The following LILRA5 variants were observed in gnomAD, a reference collection of about 807,000 sequenced individuals.
LILRA5 encodes leukocyte immunoglobulin-like receptor subfamily A member 5.
LILRA5 carries 31 observed loss-of-function variants against 36.3 expected under a neutral mutation model. The observed-to-expected ratio is 0.85, with a 90% CI of 0.64 to 1.15. The LOEUF is 1.15. Ranked by LOEUF, LILRA5 falls within the 50% of genes most tolerant of loss-of-function variation. The pLI is 0.00. For missense variants in LILRA5, 348 were observed against 377.4 expected (o/e 0.92, Z 0.64); for synonymous variants, 144 against 144.8 (o/e 0.99, Z 0.04).
At chr19:54,307,634 T>A in intron 6 of LILRA5, 64 bp downstream of exon 6, 1 of 1,612,884 alleles carries the variant, frequency 6.2e-7, no homozygotes, top group Admixed American at 1.7e-5. Context: ...AGGGCACCCA[T>A]ATCATCTTGA....
chr19:54,311,039 T>C, intron 5 of LILRA5: 1 of 310,558 alleles, frequency 3.2e-6, no homozygotes, highest in Non-Finnish European at 6.4e-6. Flanking sequence ...CACTGCAACC[T>C]CCGCCTCCCG....
rs1178522864 is a variant in LILRA5 at position 54,307,285 on chromosome 19, G to GA, written c.*127dup. The stretch of plus-strand genomic sequence containing the variant: ...AAAAAAAGAAAGAAAAGAAAAGAAA[G>GA]AAAAAAAGAAATTGCCAGCAGACAG... On this transcript the variant is annotated 3_prime_UTR_variant, in exon 7 of 7. Coordinates refer to ENST00000432233, the MANE Select transcript of LILRA5 (RefSeq NM_021250.4). 3 of 469,668 alleles carry GA rather than the reference G, an allele frequency of 6.4e-6. No homozygotes were observed. Among genetic ancestry groups the GA allele is most frequent in the African/African-American group, 2.3e-5 (1 of 44,032 alleles). The allele number at this position is 469,668 out of a possible 1,614,324, so 29.1% of individuals were successfully genotyped here.
At chr19:54,307,773 G>C (rs907970259) in intron 5 of LILRA5, 25 bp from the exon 6 acceptor site, 10 of 1,610,292 alleles carry the variant, frequency 6.2e-6, no homozygotes, top group Admixed American at 3.3e-5. Context: ...AGGGGAAGGG[G>C]AAGGAGAAGT....
At chr19:54,312,219 C>A in intron 3 of LILRA5, 71 bp from the exon 4 acceptor site, 2 of 1,610,280 alleles carry the variant, frequency 1.2e-6, no homozygotes, top group African/African-American at 1.3e-5. Context: ...GCCCCAGGAC[C>A]CTCCAGACGT....
rs2081033315 is a variant in LILRA5 at position 54,312,095 on chromosome 19, C to A, written c.178G>T (p.Gly60Trp). The A allele has an allele frequency of 6.2e-7, 1 of 1,614,018 alleles. No individual in the cohort carries two copies. Among genetic ancestry groups the A allele is most frequent in the Non-Finnish European group, 8.5e-7 (1 of 1,180,012 alleles). ...TGACACCGGATGGTCACAGAGTTCCCCCGGCTGATCACAGAGCCTGGCTCA... is the reference window on the plus strand; with the variant it reads ...TGACACCGGATGGTCACAGAGTTCCACCGGCTGATCACAGAGCCTGGCTCA... ...WAEPGSVISR[G>W]NSVTIRCQGT... Residue 60 changes from glycine to tryptophan, a missense_variant, in exon 4 of 7, where the codon GGG (glycine) becomes TGG (tryptophan). Coordinates refer to ENST00000432233, the MANE Select transcript of LILRA5 (RefSeq NM_021250.4).
chr19:54,312,837 A>T (rs1471199474), intron 1 of LILRA5, 180 bp downstream of exon 1: 2 of 836,530 alleles, frequency 2.4e-6, no homozygotes, highest in Middle Eastern at 6.8e-4. Context: ...TCCCCGGGCC[A>T]CTGTCTGCCT....
intron 5 of LILRA5, chr19:54,310,797 C>A: frequency 3.8e-6 from 1 of 264,168 alleles, no homozygotes; most frequent in South Asian, 3.8e-5. Context: ...CAGAGTGATA[C>A]TGGAGGGTCA....
At position 54,312,134 on chromosome 19, in the gene LILRA5, CT is replaced by C; in HGVS notation, c.138del (p.Ala47ProfsTer10). 1.2e-6 allele frequency: 2 copies of C among 1,613,906 alleles called. No homozygotes were observed. The highest frequency in any genetic ancestry group is 1.7e-6 in the Non-Finnish European group (2 of 1,179,910). On this transcript the variant is annotated frameshift_variant, in exon 4 of 7. Coordinates refer to ENST00000432233, the MANE Select transcript of LILRA5 (RefSeq NM_021250.4). LOFTEE classifies it high-confidence loss of function. ...RTHVQAGNLSKATLWAEPGSV... is the reference protein window; with the variant it reads ...RTHVQAGNLSXATLWAEPGSV... ...GAGCCTGGCTCAGCCCAGAGGGTGGCTTTGGAGAGGTTCCCTGGAAGGAAAT... is the reference window on the plus strand; with the variant it reads ...GAGCCTGGCTCAGCCCAGAGGGTGGCTTGGAGAGGTTCCCTGGAAGGAAAT...
At chr19:54,311,816 C>T (rs1226276622) in intron 4 of LILRA5, 48 bp downstream of exon 4, 5 of 1,613,676 alleles carry the variant, frequency 3.1e-6, no homozygotes, top group Admixed American at 1.7e-5. Context: ...AGCCGACCCC[C>T]TTCCTGAGGG....
At chr19:54,310,065 C>T in intron 5 of LILRA5, 1 of 299,342 alleles carries the variant, frequency 3.3e-6, no homozygotes, top group Non-Finnish European at 6.6e-6. Flanking sequence ...CCACCGAGGC[C>T]TGAGCAGCCT....
chr19:54,308,181 A>T (rs1616661), intron 5 of LILRA5: 108,155 of 167,002 alleles, frequency 0.65, 35,947 homozygotes, highest in Middle Eastern at 0.78. Context: ...GGCTCCTGAA[A>T]GTCAGAATCA....
chr19:54,312,226 A>G, intron 3 of LILRA5, 78 bp from the exon 4 acceptor site: 1 of 1,611,562 alleles, frequency 6.2e-7, no homozygotes, highest in Non-Finnish European at 8.5e-7. Flanking sequence ...GACCCTCCAG[A>G]CGTCCCCATC....
intron 6 of LILRA5, 63 bp from the exon 7 acceptor site, chr19:54,307,612 G>C: frequency 6.2e-7 from 1 of 1,613,480 alleles, no homozygotes; most frequent in Non-Finnish European, 8.5e-7. Flanking sequence ...CAGGACCCCT[G>C]GATGTCTCCC....
At position 54,307,699 on chromosome 19, in the gene LILRA5, A is replaced by G. The variant is rs1239370021; in HGVS notation, c.762T>C (p.Thr254=). The G allele has an allele frequency of 6.2e-7, 1 of 1,614,044 alleles. No individual in the cohort carries two copies. Among genetic ancestry groups the G allele is most frequent in the Non-Finnish European group, 8.5e-7 (1 of 1,180,012 alleles). The change falls in exon 6 of 7, where the codon ACT becomes ACC. Residue 254 remains threonine (T), a splice_region_variant and synonymous_variant. Coordinates refer to ENST00000432233, the MANE Select transcript of LILRA5 (RefSeq NM_021250.4). Reference sequence around the variant, plus strand: ...AACTGAGAGCATCTCCTCACTCACCAGTCCCAGAGTCAGACTTGTTTTGTG... The same window carrying G: ...AACTGAGAGCATCTCCTCACTCACCGGTCCCAGAGTCAGACTTGTTTTGTG... ...SPSQNKSDSG[T]ASHLQDYAVE...
chr19:54,311,745 T>C (rs2081021448), intron 4 of LILRA5, 29 bp from the exon 5 acceptor site: 3 of 1,610,204 alleles, frequency 1.9e-6, no homozygotes, highest in African/African-American at 1.3e-5. Flanking sequence ...CCGTGTTAAA[T>C]GGGGCTCCCA....
Position 54,307,727 on chromosome 19 carries a change from G to A in LILRA5, c.734C>T (p.Pro245Leu), listed in dbSNP as rs201013219. The change falls in exon 6 of 7, where the codon CCG (proline) becomes CTG (leucine). Residue 245 changes from proline (P) to leucine (L), a missense_variant. Coordinates refer to ENST00000432233, the MANE Select transcript of LILRA5 (RefSeq NM_021250.4). Reference protein sequence around the residue: ...PVSGAADNLSPSQNKSDSGTA... With the variant: ...PVSGAADNLSLSQNKSDSGTA... ...CCCAGAGTCAGACTTGTTTTGTGACGGACTGAGGTTATCAGCTGCTCCTGA... is the reference window on the plus strand; with the variant it reads ...CCCAGAGTCAGACTTGTTTTGTGACAGACTGAGGTTATCAGCTGCTCCTGA... The A allele has an allele frequency of 4.1e-5, 66 of 1,614,048 alleles. No individual in the cohort carries two copies. Among genetic ancestry groups the A allele is most frequent in the Middle Eastern group, 1.7e-4 (1 of 6,054 alleles).
chr19:54,312,844 G>C lies in LILRA5; in HGVS notation c.3+173C>G, dbSNP rs1569146559. ...GTCTCCCTTCCCCGGGCCACTGTCTGCCTGATTTATCTTTATCTCACTGAG... is the reference window on the plus strand; with the variant it reads ...GTCTCCCTTCCCCGGGCCACTGTCTCCCTGATTTATCTTTATCTCACTGAG... On this transcript the variant is annotated intron_variant, in intron 1 of 6. Transcript: ENST00000432233. 4 of 870,028 alleles carry C rather than the reference G, an allele frequency of 4.6e-6. No individual in the cohort carries two copies. In the Admixed American group the frequency reaches 9.2e-5, roughly 20 times the overall value. The allele number at this position is 870,028 out of a possible 1,614,324, so 53.9% of individuals were successfully genotyped here.
At chr19:54,307,849 C>G in intron 5 of LILRA5, 101 bp from the exon 6 acceptor site, 2 of 975,676 alleles carry the variant, frequency 2.0e-6, no homozygotes, top group Admixed American at 1.9e-5. Flanking sequence ...CTGTGCCTCT[C>G]AACATGACTT....
rs2080903351 is a variant in LILRA5, at chr19:54,307,523, C to G, written c.790G>C (p.Glu264Gln). ...GCCATGCCCATGCGGATGAGATTCTCTACTGCGTAATCCTGAAGGTGTGAG... is the reference window on the plus strand; with the variant it reads ...GCCATGCCCATGCGGATGAGATTCTGTACTGCGTAATCCTGAAGGTGTGAG... ...TASHLQDYAV[E>Q]NLIRMGMAGL... Residue 264 changes from glutamate to glutamine, a missense_variant, in exon 7 of 7, where the codon GAG (glutamate) becomes CAG (glutamine). Coordinates refer to ENST00000432233, the MANE Select transcript of LILRA5 (RefSeq NM_021250.4). 6.2e-7 allele frequency: 1 copy of G among 1,613,980 alleles called. No individual in the cohort carries two copies. Among genetic ancestry groups the G allele is most frequent in the African/African-American group, 1.3e-5 (1 of 74,928 alleles).
Sources: allele counts gnomAD v4.1 joint callset, GRCh38; gene constraint gnomAD v4.1.1; transcripts MANE v1.5; gene names NCBI Gene and HGNC (gene_info 2026-07-23, HGNC 2026-07-21).